Variants in DOCK4 observed in about 807,000 individuals in gnomAD.
The protein encoded by DOCK4 is dedicator of cytokinesis protein 4.
DOCK4 carries 97 observed loss-of-function variants against 268.1 expected under a neutral mutation model. The ratio of observed to expected loss-of-function variants is 0.36; its 90% CI spans 0.31 to 0.43. The LOEUF (loss-of-function observed/expected upper bound fraction) is 0.43, where lower values mean the gene tolerates loss of function less well. DOCK4 is among the 20% of genes least tolerant of loss of function. The probability of loss-of-function intolerance (pLI) is 1.00; values close to 1 mark genes in which losing one functional copy is unlikely to be tolerated. For missense variants in DOCK4, 2,145 were observed against 2,455.7 expected (o/e 0.87, Z 2.67); for synonymous variants, 954 against 887.2 (o/e 1.08, Z -1.34).
At chr7:111,826,140 A>G (rs1802369757) in intron 26 of DOCK4, among the ~76,000 whole-genome samples, 2 of 152,224 alleles carry the variant, frequency 1.3e-5, no homozygotes, top group African/African-American at 4.8e-5. Flanking sequence ...AAAACCACAC[A>G]GATACATGTA....
chr7:111,896,449 T>C (rs2134386549), intron 15 of DOCK4, among the ~76,000 whole-genome samples: 1 of 151,890 alleles, frequency 6.6e-6, no homozygotes, highest in South Asian at 2.1e-4. Context: ...TAACTTGTTG[T>C]AGATCTCTTA....
At chr7:111,912,581 G>A (rs886708193) in intron 13 of DOCK4, among the ~76,000 whole-genome samples, 27 of 152,202 alleles carry the variant, frequency 1.8e-4, no homozygotes, top group African/African-American at 5.3e-4. Flanking sequence ...TTCTGAGGAG[G>A]GAGGAAGCAG....
intron 4 of DOCK4, among the ~76,000 whole-genome samples, chr7:111,996,276 C>A (rs1037860730): frequency 6.6e-6 from 1 of 152,138 alleles, no homozygotes; most frequent in Admixed American, 6.6e-5. Flanking sequence ...GTTGTCCAAG[C>A]AAAATTTAAA....
intron 10 of DOCK4, among the ~76,000 whole-genome samples, chr7:111,941,222 C>T (rs994456833): frequency 3.3e-5 from 5 of 152,164 alleles, no homozygotes; most frequent in Admixed American, 6.5e-5. Flanking sequence ...AGCTGCTTTT[C>T]AGATGTGCAA....
At chr7:112,157,329 G>A (rs576162298) in intron 1 of DOCK4, among the ~76,000 whole-genome samples, 4 of 152,054 alleles carry the variant, frequency 2.6e-5, no homozygotes, top group Non-Finnish European at 5.9e-5. Flanking sequence ...CATGGGAGAC[G>A]TCATTTTCCC....
chr7:111,939,650 T>C (rs1795044263), intron 11 of DOCK4, among the ~76,000 whole-genome samples: 1 of 152,066 alleles, frequency 6.6e-6, no homozygotes, highest in Non-Finnish European at 1.5e-5. Flanking sequence ...AATTGCAACC[T>C]CAGGCATAAA....
In DOCK4 at chr7:111,778,094, A is replaced by T. The variant is rs538912648; in HGVS notation, c.3679+182T>A. 3.3e-5 allele frequency among the ~76,000 whole-genome samples: 5 copies of T among 152,318 alleles called. No individual in the cohort carries two copies. The South Asian group carries it at 8.3e-4, about 25-fold the overall frequency. ...GCAAAGAGAAATAGTCAAACAACCT[A>T]CATGTATGTATCATGTATATGATAT... On this transcript the variant is annotated intron_variant, in intron 36 of 52. Coordinates refer to ENST00000428084, the MANE Select transcript of DOCK4 (RefSeq NM_001363540.2).
At chr7:111,809,182 T>G in intron 29 of DOCK4, 119 bp downstream of exon 29, 2 of 839,622 alleles carry the variant, frequency 2.4e-6, no homozygotes, top group Non-Finnish European at 3.7e-6. Context: ...TCTTGACCCC[T>G]TGGTCACTGG....
At chr7:112,084,490 C>T (rs1375638456) in intron 1 of DOCK4, among the ~76,000 whole-genome samples, 1 of 152,114 alleles carries the variant, frequency 6.6e-6, no homozygotes, top group Non-Finnish European at 1.5e-5. Context: ...AGGGAATGAG[C>T]ATTTTCTTTA....
At chr7:112,112,315 T>C (rs971267498) in intron 1 of DOCK4, among the ~76,000 whole-genome samples, 9 of 152,300 alleles carry the variant, frequency 5.9e-5, no homozygotes, top group Non-Finnish European at 1.0e-4. Context: ...CCTTCCGCCA[T>C]GGTTGTAAGC....
At chr7:112,172,458 T>C (rs1183814354) in intron 1 of DOCK4, among the ~76,000 whole-genome samples, 1 of 152,144 alleles carries the variant, frequency 6.6e-6, no homozygotes, top group Non-Finnish European at 1.5e-5. Context: ...TATTAGAAAA[T>C]ATCTGACGTC....
At chr7:111,798,348 A>C (rs374070615) in intron 30 of DOCK4, among the ~76,000 whole-genome samples, 11 of 152,334 alleles carry the variant, frequency 7.2e-5, no homozygotes, top group Admixed American at 7.2e-4. Context: ...AGTAATGCTG[A>C]AAATTAAAGA....
chr7:111,983,993 T>G (rs1264952072), intron 7 of DOCK4, among the ~76,000 whole-genome samples: 1 of 151,978 alleles, frequency 6.6e-6, no homozygotes, highest in East Asian at 1.9e-4. Flanking sequence ...AACAGATAAG[T>G]ATGCGTGACT....
At chr7:112,151,120 A>T (rs968748558) in intron 1 of DOCK4, among the ~76,000 whole-genome samples, 6 of 152,084 alleles carry the variant, frequency 3.9e-5, no homozygotes, top group African/African-American at 1.4e-4. Context: ...TTCCTAGGAG[A>T]TATGATGTAA....
intron 28 of DOCK4, among the ~76,000 whole-genome samples, chr7:111,810,131 A>G (rs926086984): frequency 8.5e-5 from 13 of 152,216 alleles, no homozygotes; most frequent in Non-Finnish European, 1.5e-4. Context: ...AAAAGAATAT[A>G]ATAAAACCCT....
intron 1 of DOCK4, among the ~76,000 whole-genome samples, chr7:112,008,839 CA>C (rs1169906396): frequency 2.0e-5 from 3 of 152,116 alleles, no homozygotes; most frequent in Admixed American, 2.0e-4. Flanking sequence ...ACTAAAAATA[CA>C]AAAAGTAGCT....
intron 1 of DOCK4, among the ~76,000 whole-genome samples, chr7:112,197,830 A>C (rs1820587159): frequency 6.6e-6 from 1 of 151,982 alleles, no homozygotes; most frequent in African/African-American, 2.4e-5. Flanking sequence ...TCAGCACAGA[A>C]CTTCTCTTTT....
At chr7:111,788,515 T>C (rs1799324869) in intron 32 of DOCK4, 147 bp downstream of exon 32, 2 of 646,128 alleles carry the variant, frequency 3.1e-6, no homozygotes, top group Non-Finnish European at 5.5e-6. Flanking sequence ...TAGGCAATTA[T>C]CCTTTATTTC....
intron 25 of DOCK4, among the ~76,000 whole-genome samples, chr7:111,842,786 C>T (rs529400842): frequency 6.6e-6 from 1 of 152,310 alleles, no homozygotes; most frequent in South Asian, 2.1e-4. Flanking sequence ...GTAGAGACCA[C>T]ATGCAGAGCC....
Sources: allele counts gnomAD v4.1 joint callset (sites outside exome capture counted in the v4.1 genomes callset), GRCh38; gene constraint gnomAD v4.1.1; transcripts MANE v1.5; gene names NCBI Gene and HGNC (gene_info 2026-07-23, HGNC 2026-07-21).